Variants in SBF2 observed in about 807,000 individuals in gnomAD.
SBF2 encodes SET binding factor 2.
A neutral mutation model predicts 225.2 loss-of-function variants in SBF2; 112 were observed. The ratio of observed to expected loss-of-function variants is 0.50; its 90% CI spans 0.43 to 0.58. SBF2 has a LOEUF of 0.58. SBF2 is among the 20% of genes least tolerant of loss of function. The probability of loss-of-function intolerance (pLI) is 0.00; values close to 1 mark genes in which losing one functional copy is unlikely to be tolerated. For synonymous variants in SBF2, 763 were observed against 773.3 expected (o/e 0.99, Z 0.22); for missense variants, 1,996 against 2,206.2 (o/e 0.90, Z 1.91).
At chr11:9,832,173 G>T in intron 27 of SBF2, 51 bp downstream of exon 27, 1 of 1,505,428 alleles carries the variant, frequency 6.6e-7, no homozygotes, top group Non-Finnish European at 9.2e-7. Flanking sequence ...TTTATTTTTA[G>T]CACTGTCCTT....
intron 31 of SBF2, chr11:9,808,553 C>G: frequency 4.9e-6 from 2 of 410,698 alleles, no homozygotes; most frequent in South Asian, 4.4e-5. Flanking sequence ...ACACTTTTCA[C>G]TCTGGAGTGA....
chr11:9,986,704 C>T, intron 13 of SBF2, among the ~76,000 whole-genome samples: 1 of 152,072 alleles, frequency 6.6e-6, no homozygotes, highest in East Asian at 1.9e-4. Flanking sequence ...TGGAAAAATA[C>T]AACCCTCCTA....
chr11:10,006,210 T>C (rs1294013959), intron 6 of SBF2, among the ~76,000 whole-genome samples: 1 of 152,228 alleles, frequency 6.6e-6, no homozygotes, highest in East Asian at 1.9e-4. Flanking sequence ...TTGCATGCCA[T>C]GTAACTGTTA....
chr11:10,199,588 C>A (rs959492587), intron 1 of SBF2, among the ~76,000 whole-genome samples: 1 of 152,150 alleles, frequency 6.6e-6, no homozygotes, highest in Non-Finnish European at 1.5e-5. Flanking sequence ...GAACAATAAA[C>A]CAAAGTATGT....
intron 2 of SBF2, among the ~76,000 whole-genome samples, chr11:10,059,035 C>T (rs1950344611): frequency 6.6e-6 from 1 of 152,138 alleles, no homozygotes; most frequent in South Asian, 2.1e-4. Flanking sequence ...GGAAAGACTT[C>T]TACCAGCTAA....
rs1369325094 is a variant in SBF2, at chr11:9,845,683, T to C, written c.2992A>G (p.Lys998Glu). ...VSPEVVEIFK[K>E]QLMKFRYPQS... ...GGATAACGGAACTTCATCAGCTGTT[T>C]CTTAAAGATCTCTACTACTTCTGGA... Residue 998 changes from lysine to glutamate, a missense_variant, in exon 24 of 40, where the codon AAA (lysine) becomes GAA (glutamate). Lys to Glu is a moderately conservative substitution (Grantham distance 56). Transcript: ENST00000256190. The C allele has an allele frequency of 6.2e-7, 1 of 1,613,996 alleles. No individual in the cohort carries two copies. Among genetic ancestry groups the C allele is most frequent in the Non-Finnish European group, 8.5e-7 (1 of 1,179,862 alleles).
At chr11:9,817,127 G>T in intron 28 of SBF2, 103 bp from the exon 29 acceptor site, 1 of 1,243,510 alleles carries the variant, frequency 8.0e-7, no homozygotes, top group Non-Finnish European at 1.2e-6. Flanking sequence ...AGAGGTCATA[G>T]CAAGCTGATT....
At chr11:9,964,003 C>A in intron 14 of SBF2, 121 bp from the exon 15 acceptor site, 2 of 659,536 alleles carry the variant, frequency 3.0e-6, no homozygotes, top group Non-Finnish European at 2.7e-6. Flanking sequence ...GTAATCCCAG[C>A]AATTTGGGAG....
At position 9,789,241 on chromosome 11, in the gene SBF2, G is replaced by A. The variant is rs750568935; in HGVS notation, c.4800C>T (p.Thr1600=). The change falls in exon 35 of 40, where the codon ACC becomes ACT. Residue 1600 remains threonine (T), a synonymous_variant. Transcript: ENST00000256190. ...AGTCTTCGGAGGGGAAGTGCTTGGG[G>A]GTTAGCATCATCCAGTCATAGGAAG... is the stretch of plus-strand genomic sequence containing the variant. ...TGPSYDWMML[T]PKHFPSEDSD... is the part of the protein sequence containing the mutation. The A allele has an allele frequency of 6.2e-7, 1 of 1,614,146 alleles. No individual in the cohort carries two copies. The highest frequency in any genetic ancestry group is 1.1e-5 in the South Asian group (1 of 91,072).
intron 1 of SBF2, among the ~76,000 whole-genome samples, chr11:10,274,759 A>G (rs1962821175): frequency 6.6e-6 from 1 of 152,010 alleles, no homozygotes; most frequent in Non-Finnish European, 1.5e-5. Flanking sequence ...TCAAAAAAAA[A>G]AAAAAAAAAG....
intron 28 of SBF2, among the ~76,000 whole-genome samples, chr11:9,821,986 G>GA (rs1854781378): frequency 6.6e-6 from 1 of 152,114 alleles, no homozygotes; most frequent in Admixed American, 6.5e-5. Flanking sequence ...TGCAAATGTC[G>GA]ACTTTCTTCC....
chr11:9,953,391 C>T (rs908532055), intron 16 of SBF2, among the ~76,000 whole-genome samples: 6 of 151,494 alleles, frequency 4.0e-5, no homozygotes, highest in Non-Finnish European at 7.4e-5. Flanking sequence ...TGCAGTGAGC[C>T]GAGATCACGC....
intron 1 of SBF2, among the ~76,000 whole-genome samples, chr11:10,244,643 C>A (rs1959587112): frequency 6.6e-6 from 1 of 152,072 alleles, no homozygotes; most frequent in African/African-American, 2.4e-5. Context: ...TATCCTGTTT[C>A]TGTAAAAAAT....
chr11:9,947,763 G>A (rs117197363), intron 16 of SBF2, among the ~76,000 whole-genome samples: 1,884 of 151,378 alleles, frequency 0.012, 19 homozygotes, highest in Middle Eastern at 0.058. Flanking sequence ...ACATACATTA[G>A]GATGGCTACT....
chr11:9,861,375 T>A (rs1440641903), intron 17 of SBF2, among the ~76,000 whole-genome samples: 8 of 152,124 alleles, frequency 5.3e-5, no homozygotes, highest in African/African-American at 1.9e-4. Flanking sequence ...TAAAAAATGT[T>A]TTTTGAGGCC....
chr11:10,217,532 C>T (rs540185246), intron 1 of SBF2, among the ~76,000 whole-genome samples: 2 of 152,274 alleles, frequency 1.3e-5, no homozygotes, highest in African/African-American at 4.8e-5. Context: ...AGGCAAATAA[C>T]CCCTGACAAC....
chr11:10,057,458 C>G (rs1467433926), intron 2 of SBF2, among the ~76,000 whole-genome samples: 1 of 152,122 alleles, frequency 6.6e-6, no homozygotes, highest in Non-Finnish European at 1.5e-5. Flanking sequence ...TCCCATGGGT[C>G]CCACAAACCC....
At chr11:9,944,592 G>C (rs889948661) in intron 16 of SBF2, among the ~76,000 whole-genome samples, 3 of 152,072 alleles carry the variant, frequency 2.0e-5, no homozygotes, top group African/African-American at 7.2e-5. Flanking sequence ...TAGGAATACA[G>C]ATAACCTGGG....
intron 2 of SBF2, among the ~76,000 whole-genome samples, chr11:10,070,007 G>GT (rs1474274230): frequency 3.3e-5 from 5 of 152,136 alleles, no homozygotes; most frequent in Admixed American, 1.3e-4. Flanking sequence ...TGATGGGGTT[G>GT]TTTTTTTCTT....
Sources: gnomAD v4.1 joint callset for allele counts (sites outside exome capture counted in the v4.1 genomes callset) on GRCh38, gnomAD v4.1.1 for gene constraint, MANE v1.5 for transcripts, NCBI Gene and HGNC (gene_info 2026-07-23, HGNC 2026-07-21) for gene names.